YAF2: variants seen among roughly 807,000 people sequenced by gnomAD.
YAF2 encodes YY1 associated factor 2, also known as YY1-associated factor 2.
Under a neutral mutation model 20.1 loss-of-function variants are expected in YAF2, and 7 were observed. The ratio of observed to expected loss-of-function variants is 0.35; its 90% confidence interval spans 0.20 to 0.65. The LOEUF (loss-of-function observed/expected upper bound fraction) is 0.65, where lower values mean the gene tolerates loss of function less well. Among genes scored for constraint, YAF2 ranks in the 30% least tolerant of loss-of-function variants. The pLI, the probability that YAF2 is intolerant of heterozygous loss-of-function variation, is 0.69. For synonymous variants in YAF2, 74 were observed against 76.0 expected, an observed-to-expected ratio of 0.97 and a Z score of 0.14; for missense variants, 151 against 219.2, an observed-to-expected ratio of 0.69 and a Z score of 1.96.
intron 2 of YAF2, among the ~76,000 whole-genome samples, chr12:42,177,349 C>A (rs1439382894): frequency 6.6e-6 from 1 of 152,142 alleles, no homozygotes; most frequent in Non-Finnish European, 1.5e-5. Context: ...GGTGGAAAGT[C>A]CAAGACCAAG....
chr12:42,219,725 C>T (rs568997047), intron 2 of YAF2, among the ~76,000 whole-genome samples: 6 of 152,226 alleles, frequency 3.9e-5, no homozygotes, highest in Non-Finnish European at 7.4e-5. Flanking sequence ...ATTATCTTAT[C>T]CAGAAAAAAT....
At chr12:42,161,578 T>C in intron 3 of YAF2, 35 bp downstream of exon 3, 2 of 1,542,254 alleles carry the variant, frequency 1.3e-6, no homozygotes, top group Non-Finnish European at 1.7e-6. Flanking sequence ...GGTTTTATTA[T>C]TTCAAAAATG....
intron 2 of YAF2, among the ~76,000 whole-genome samples, chr12:42,202,953 T>C (rs1350349568): frequency 6.6e-6 from 1 of 152,166 alleles, no homozygotes; most frequent in Non-Finnish European, 1.5e-5. Context: ...ACCATAATTT[T>C]TAAATTCATC....
chr12:42,220,077 T>C (rs1202972910), intron 2 of YAF2, among the ~76,000 whole-genome samples: 12 of 152,172 alleles, frequency 7.9e-5, no homozygotes, highest in Admixed American at 7.2e-4. Flanking sequence ...GAGGTGAGAA[T>C]GGTTATGAGA....
intron 2 of YAF2, among the ~76,000 whole-genome samples, chr12:42,208,444 A>AAAATT (rs1339944697): frequency 6.6e-6 from 1 of 152,130 alleles, no homozygotes; most frequent in African/African-American, 2.4e-5. Context: ...TTAAAAAATA[A>AAAATT]AAATTAAATT....
chr12:42,194,216 G>T (rs1165511588), intron 2 of YAF2, among the ~76,000 whole-genome samples: 1 of 152,154 alleles, frequency 6.6e-6, no homozygotes, highest in South Asian at 2.1e-4. Flanking sequence ...TAGCCTAAGT[G>T]TACAGTGTTT....
At chr12:42,185,572 A>G (rs2066452045) in intron 2 of YAF2, among the ~76,000 whole-genome samples, 1 of 152,208 alleles carries the variant, frequency 6.6e-6, no homozygotes, top group South Asian at 2.1e-4. Flanking sequence ...AAATTGCTAC[A>G]GCCACCCCAA....
At chr12:42,231,496 A>C (rs2137417278) in intron 2 of YAF2, 1 of 152,334 alleles carries the variant, frequency 6.6e-6, no homozygotes, top group East Asian at 1.9e-4. Flanking sequence ...CTTTGATACT[A>C]CATAAAAACA....
chr12:42,222,576 C>T (rs1651324237), intron 2 of YAF2, among the ~76,000 whole-genome samples: 2 of 151,992 alleles, frequency 1.3e-5, no homozygotes, highest in South Asian at 4.1e-4. Context: ...AGTGTGCTTA[C>T]ATAAAACGGC....
chr12:42,202,665 T>G (rs1275671626), intron 2 of YAF2, among the ~76,000 whole-genome samples: 1 of 152,052 alleles, frequency 6.6e-6, no homozygotes, highest in Non-Finnish European at 1.5e-5. Flanking sequence ...TGAGATGGAG[T>G]GTCGTTCTTG....
intron 2 of YAF2, among the ~76,000 whole-genome samples, chr12:42,207,879 A>G (rs1426778336): frequency 1.3e-5 from 2 of 152,166 alleles, no homozygotes; most frequent in African/African-American, 4.8e-5. Context: ...CGACAGAGCG[A>G]GACTCTGTCT....
chr12:42,188,832 C>T (rs1258262388), intron 2 of YAF2, among the ~76,000 whole-genome samples: 7 of 151,938 alleles, frequency 4.6e-5, no homozygotes, highest in African/African-American at 1.5e-4. Flanking sequence ...AGGCACTGTG[C>T]TAAATGCAAG....
chr12:42,226,459 C>G (rs994541149), intron 2 of YAF2, among the ~76,000 whole-genome samples: 1 of 152,080 alleles, frequency 6.6e-6, no homozygotes, highest in Non-Finnish European at 1.5e-5. Context: ...CCCAGGAGTT[C>G]GAGACCAGAC....
chr12:42,189,889 G>C (rs2066569663), intron 2 of YAF2, among the ~76,000 whole-genome samples: 1 of 152,084 alleles, frequency 6.6e-6, no homozygotes, highest in African/African-American at 2.4e-5. Context: ...ATCAGCACAA[G>C]AAAACAGGTC....
chr12:42,226,425 G>A (rs569438061), intron 2 of YAF2, among the ~76,000 whole-genome samples: 62 of 152,280 alleles, frequency 4.1e-4, no homozygotes, highest in Non-Finnish European at 7.9e-4. Context: ...CATTTTGGAG[G>A]CCAAGGTGAG....
chr12:42,227,041 C>T (rs867754488), intron 2 of YAF2, among the ~76,000 whole-genome samples: 6,570 of 145,826 alleles, frequency 0.045, 224 homozygotes, highest in East Asian at 0.14. Flanking sequence ...GAAGCGGAGC[C>T]GCTGCCGCGA....
intron 2 of YAF2, among the ~76,000 whole-genome samples, chr12:42,227,544 G>A (rs548388905): frequency 7.0e-6 from 1 of 143,584 alleles, no homozygotes; most frequent in South Asian, 2.3e-4. Context: ...CCGTCTGGGA[G>A]GTGAGGAGCG....
At chr12:42,173,899 C>T (rs944375625) in intron 2 of YAF2, among the ~76,000 whole-genome samples, 1 of 152,076 alleles carries the variant, frequency 6.6e-6, no homozygotes, top group African/African-American at 2.4e-5. Flanking sequence ...ATGTCCACAG[C>T]CTTCCATCTG....
chr12:42,167,227 A>G (rs1487945031), intron 2 of YAF2, among the ~76,000 whole-genome samples: 3 of 152,186 alleles, frequency 2.0e-5, no homozygotes, highest in Non-Finnish European at 2.9e-5. Flanking sequence ...TGACAGTTAC[A>G]GCAAACCACC....
Sources: allele counts gnomAD v4.1 joint callset (sites outside exome capture counted in the v4.1 genomes callset), GRCh38; gene constraint gnomAD v4.1.1; transcripts MANE v1.5; gene names NCBI Gene and HGNC (gene_info 2026-07-23, HGNC 2026-07-21).